CASQ2: variants seen among roughly 807,000 people sequenced by gnomAD.
The protein encoded by CASQ2 is calsequestrin-2.
CASQ2 carries 49 observed loss-of-function variants against 46.5 expected under a neutral mutation model. That is an observed-to-expected ratio of 1.05 (90% CI 0.84 to 1.34). The LOEUF (loss-of-function observed/expected upper bound fraction) is 1.34, where lower values mean the gene tolerates loss of function less well. Ranked by LOEUF, CASQ2 falls within the 40% of genes most tolerant of loss-of-function variation. CASQ2 has a pLI of 0.00. For missense variants in CASQ2, 486 were observed against 481.3 expected, an observed-to-expected ratio of 1.01 and a Z score of -0.09; for synonymous variants, 174 against 168.5, an observed-to-expected ratio of 1.03 and a Z score of -0.25.
Position 115,768,509 on chromosome 1 carries a change from A to C in CASQ2, c.33T>G (p.Ile11Met). 6.2e-7 allele frequency: 1 copy of C among 1,613,354 alleles called. No individual in the cohort carries two copies. The highest frequency in any genetic ancestry group is 8.5e-7 in the Non-Finnish European group (1 of 1,179,306). Residue 11 changes from isoleucine (I) to methionine (M), a missense_variant, in exon 1 of 11, where the codon ATT (isoleucine) becomes ATG (methionine). Transcript: ENST00000261448. MKRTHLFIVG[I>M]YFLSSCRAEE... ...CTGCCCTGCAAGAGGACAGAAAATA[A>C]ATCCCCACAATAAACAAGTGAGTTC...
intron 8 of CASQ2, among the ~76,000 whole-genome samples, chr1:115,710,515 G>T (rs10923245): frequency 1.3e-5 from 2 of 152,146 alleles, no homozygotes; most frequent in African/African-American, 4.8e-5. Flanking sequence ...TTTAAGCCCA[G>T]TGTGAAAGCT....
At position 115,725,557 on chromosome 1, in the gene CASQ2, G is replaced by GAAAAAAAAAAAAAAAAAAAAAAAAAAAA; in HGVS notation, c.738-5_738-4insTTTTTTTTTTTTTTTTTTTTTTTTTTTT. On this transcript the variant is annotated splice_region_variant and splice_polypyrimidine_tract_variant and intron_variant, in intron 6 of 10. Coordinates refer to ENST00000261448, the MANE Select transcript of CASQ2 (RefSeq NM_001232.4). The stretch of plus-strand genomic sequence containing the variant: ...GCGCAGGCGACGTAGAGTGGGTCTG[G>GAAAAAAAAAAAAAAAAAAAAAAAAAAAA]AAAAAAAAAAAAAAAAAAAAAAAGA... The GAAAAAAAAAAAAAAAAAAAAAAAAAAAA allele has an allele frequency of 1.4e-6, 2 of 1,401,646 alleles. No individual in the cohort carries two copies. Among genetic ancestry groups the GAAAAAAAAAAAAAAAAAAAAAAAAAAAA allele is most frequent in the Non-Finnish European group, 1.9e-6 (2 of 1,058,454 alleles). The allele number at this position is 1,401,646 out of a possible 1,614,324, so 86.8% of individuals were successfully genotyped here.
chr1:115,711,875 G>C (rs1654559084), intron 8 of CASQ2, among the ~76,000 whole-genome samples: 2 of 151,978 alleles, frequency 1.3e-5, no homozygotes, highest in Non-Finnish European at 2.9e-5. Flanking sequence ...GACTGGTCTC[G>C]AACTCCTGAC....
intron 1 of CASQ2, among the ~76,000 whole-genome samples, chr1:115,756,461 G>T (rs1007057392): frequency 3.9e-5 from 6 of 152,164 alleles, no homozygotes; most frequent in Non-Finnish European, 7.4e-5. Context: ...TGACAATTAT[G>T]CAAAAATACT....
intron 9 of CASQ2, among the ~76,000 whole-genome samples, chr1:115,704,838 C>T (rs960482758): frequency 6.6e-6 from 1 of 152,172 alleles, no homozygotes; most frequent in Non-Finnish European, 1.5e-5. Context: ...TTCAGGTGGC[C>T]TCAGAACGAT....
intron 2 of CASQ2, among the ~76,000 whole-genome samples, chr1:115,742,458 G>A (rs1463842172): frequency 6.6e-6 from 1 of 151,922 alleles, no homozygotes; most frequent in Admixed American, 6.6e-5. Flanking sequence ...TGAAGATGAA[G>A]GAGCAGGTTC....
Position 115,701,249 on chromosome 1 carries a change from C to T in CASQ2, c.1192G>A (p.Asp398Asn), listed in dbSNP as rs1654192683. Residue 398 changes from aspartate to asparagine, a missense_variant, in exon 11 of 11, where the codon GAT (aspartate) becomes AAT (asparagine). Physicochemically the swap from Asp to Asn is conservative, Grantham distance 23. Transcript: ENST00000261448. ...AATTGTTTGGAGTTGGGCTATTCAT[C>T]ATCATCGTCATCACTGTCATCATTA... is the stretch of plus-strand genomic sequence containing the variant. ...EDNDDSDDDD[D>N]E The T allele has an allele frequency of 6.2e-7, 1 of 1,611,688 alleles. No homozygotes were observed. Among genetic ancestry groups the T allele is most frequent in the Admixed American group, 1.7e-5 (1 of 60,006 alleles).
intron 3 of CASQ2, 58 bp from the exon 4 acceptor site, chr1:115,738,393 G>T: frequency 9.1e-7 from 1 of 1,100,044 alleles, no homozygotes; most frequent in Non-Finnish European, 1.4e-6. Context: ...TTCTTCACTG[G>T]GGAAACAGAG....
rs375860208 is a variant in CASQ2, at chr1:115,729,191, G to A, written c.607-2069C>T. Among the ~76,000 whole-genome samples the A allele has an allele frequency of 4.0e-5, 6 of 151,562 alleles. No homozygotes were observed. In the South Asian group the frequency reaches 6.2e-4, roughly 16 times the overall value. ...CAGCCTCCCGAGTAGCTGGGATTAT[G>A]GGCACAGGCCACCACACCCAGCTAA... is the stretch of plus-strand genomic sequence containing the variant. On this transcript the variant is annotated intron_variant, in intron 5 of 10. Transcript: ENST00000261448.
chr1:115,721,467 A>T (rs567356800), intron 7 of CASQ2, among the ~76,000 whole-genome samples: 1 of 152,314 alleles, frequency 6.6e-6, no homozygotes, highest in Admixed American at 6.5e-5. Flanking sequence ...AGAGTGAGAG[A>T]AAGATCAATA....
intron 5 of CASQ2, among the ~76,000 whole-genome samples, chr1:115,728,760 G>A (rs1260141863): frequency 1.3e-5 from 2 of 152,180 alleles, no homozygotes; most frequent in Non-Finnish European, 2.9e-5. Flanking sequence ...TGATGAACCT[G>A]AGGCACAATT....
Position 115,727,064 on chromosome 1 carries a change from T to C in CASQ2, c.665A>G (p.Asp222Gly). Residue 222 changes from aspartate to glycine, a missense_variant, in exon 6 of 11, where the codon GAT (aspartate) becomes GGT (glycine). Transcript: ENST00000261448. Reference sequence around the variant, plus strand: ...TTTGTTGGGGATGGCAATGGGCTCATCCATAAATGGCTCATAGAAGTCAAC... The same window carrying C: ...TTTGTTGGGGATGGCAATGGGCTCACCCATAAATGGCTCATAGAAGTCAAC... ...NEVDFYEPFM[D>G]EPIAIPNKPY... The C allele has an allele frequency of 6.2e-7, 1 of 1,607,396 alleles. No individual in the cohort carries two copies.
At chr1:115,722,847 A>G (rs1570812436) in intron 7 of CASQ2, among the ~76,000 whole-genome samples, 1 of 152,266 alleles carries the variant, frequency 6.6e-6, no homozygotes, top group African/African-American at 2.4e-5. Context: ...CAGCAGGTCA[A>G]GACCAGCCTG....
At chr1:115,767,803 G>A (rs1300588342) in intron 1 of CASQ2, among the ~76,000 whole-genome samples, 2 of 152,138 alleles carry the variant, frequency 1.3e-5, no homozygotes, top group Non-Finnish European at 2.9e-5. Flanking sequence ...CTGTAATGCT[G>A]ACTGACGCAA....
intron 9 of CASQ2, among the ~76,000 whole-genome samples, chr1:115,703,273 G>A (rs1654267658): frequency 6.6e-6 from 1 of 152,152 alleles, no homozygotes; most frequent in African/African-American, 2.4e-5. Flanking sequence ...AATTACTTGT[G>A]GCTGTTTTAT....
chr1:115,719,863 C>CT (rs1328626281), intron 7 of CASQ2, among the ~76,000 whole-genome samples: 2 of 152,144 alleles, frequency 1.3e-5, no homozygotes, highest in African/African-American at 2.4e-5. Flanking sequence ...CTTGGAAATT[C>CT]TGTTTTTAAT....
Position 115,740,882 on chromosome 1 carries a change from A to G in CASQ2, c.320-54T>C, listed in dbSNP as rs1648152929. On this transcript the variant is annotated intron_variant, in intron 2 of 10. Transcript: ENST00000261448. ...AGGTCATCCTGACGTAGGAAGAGTG[A>G]TTGTATTGGCTGAGGTCTGGCTGAG... The G allele has an allele frequency of 4.8e-6, 6 of 1,250,042 alleles. No homozygotes were observed. In the East Asian group the frequency reaches 1.4e-4, roughly 29 times the overall value. 77.4% of individuals were successfully genotyped at this position (1,250,042 alleles called of 1,614,324 possible).
intron 9 of CASQ2, among the ~76,000 whole-genome samples, chr1:115,704,392 C>T (rs1473386532): frequency 6.6e-6 from 1 of 152,206 alleles, no homozygotes; most frequent in Non-Finnish European, 1.5e-5. Flanking sequence ...TTAACCTCCC[C>T]AGCTATCATT....
intron 7 of CASQ2, among the ~76,000 whole-genome samples, chr1:115,723,504 A>T (rs1052132293): frequency 6.6e-6 from 1 of 152,092 alleles, no homozygotes. Context: ...GCACTATTAT[A>T]TCTTTTTGCT....
Sources: allele counts gnomAD v4.1 joint callset (sites outside exome capture counted in the v4.1 genomes callset), GRCh38; gene constraint gnomAD v4.1.1; transcripts MANE v1.5; gene names NCBI Gene and HGNC (gene_info 2026-07-23, HGNC 2026-07-21).